Variants in MRE11 observed in about 807,000 individuals in gnomAD.
MRE11 encodes the protein double-strand break repair protein MRE11.
In MRE11, 62 loss-of-function variants were observed where a neutral mutation model predicts 91.7. The ratio of observed to expected loss-of-function variants is 0.68; its 90% CI spans 0.55 to 0.84. The LOEUF is 0.84. Among genes scored for constraint, MRE11 ranks in the 40% least tolerant of loss-of-function variants. MRE11 has a pLI of 0.00. For synonymous variants in MRE11, 273 were observed against 271.4 expected, an observed-to-expected ratio of 1.01 and a Z score of -0.06; for missense variants, 796 against 852.9, an observed-to-expected ratio of 0.93 and a Z score of 0.83.
intron 16 of MRE11, among the ~76,000 whole-genome samples, chr11:94,443,927 T>G (rs1025309258): frequency 1.3e-5 from 2 of 151,002 alleles, no homozygotes; most frequent in African/African-American, 2.4e-5. Context: ...AATTTTTTTT[T>G]TTTTTTTTTT....
chr11:94,469,612 C>A (rs762351742), intron 9 of MRE11, among the ~76,000 whole-genome samples: 3 of 152,100 alleles, frequency 2.0e-5, no homozygotes, highest in Non-Finnish European at 4.4e-5. Context: ...GTTACGTGAG[C>A]TACACACTGC....
chr11:94,439,557 T>G (rs1243493599), intron 16 of MRE11, among the ~76,000 whole-genome samples: 1 of 152,228 alleles, frequency 6.6e-6, no homozygotes, highest in Non-Finnish European at 1.5e-5. Context: ...CTGTAAATAC[T>G]TAAGCTCATT....
chr11:94,429,830 G>C (rs896490351), intron 19 of MRE11, 81 bp downstream of exon 19: 2 of 1,223,610 alleles, frequency 1.6e-6, no homozygotes, highest in Admixed American at 2.2e-5. Flanking sequence ...AGAAAAAAAA[G>C]TTCAGCAACT....
chr11:94,436,069 T>G (rs1042245465), intron 17 of MRE11, among the ~76,000 whole-genome samples, 170 bp from the exon 18 acceptor site: 2 of 152,232 alleles, frequency 1.3e-5, no homozygotes, highest in East Asian at 3.8e-4. Context: ...CTCCCTCCAA[T>G]GTCCCTCTTC....
chr11:94,483,443 GC>G (rs1947060924), intron 4 of MRE11, among the ~76,000 whole-genome samples: 1 of 152,136 alleles, frequency 6.6e-6, no homozygotes, highest in South Asian at 2.1e-4. Context: ...AATCATGGGG[GC>G]AGGCCTTTCC....
At chr11:94,466,950 A>G (rs769774554) in intron 10 of MRE11, among the ~76,000 whole-genome samples, 2 of 152,182 alleles carry the variant, frequency 1.3e-5, no homozygotes, top group Non-Finnish European at 2.9e-5. Flanking sequence ...GTATGCCTAC[A>G]CTGAAAAGAG....
At position 94,456,292 on chromosome 11, in the gene MRE11, T is replaced by A. The variant is rs771215537; in HGVS notation, c.1547A>T (p.Asp516Val). Residue 516 changes from aspartate to valine, a missense_variant, in exon 14 of 20, where the codon GAT (aspartate) becomes GTT (valine). Asp to Val is a radical substitution (Grantham distance 152). Transcript: ENST00000323929. ...ETRQKNTNEE[D>V]DEVREAMTRA... is the part of the protein sequence containing the mutation. The stretch of plus-strand genomic sequence containing the variant: ...AATAATTACCTCACGGACTTCATCA[T>A]CTTCTTCATTAGTATTTTTTTGTCT... The A allele has an allele frequency of 1.2e-6, 2 of 1,613,638 alleles. No homozygotes were observed. The highest frequency in any genetic ancestry group is 3.3e-5 in the Admixed American group (2 of 59,978).
intron 16 of MRE11, among the ~76,000 whole-genome samples, chr11:94,439,649 T>A (rs564325753): frequency 6.6e-6 from 1 of 152,212 alleles, no homozygotes; most frequent in South Asian, 2.1e-4. Context: ...AACACCAGTT[T>A]GCACTTACTG....
At position 94,456,461 on chromosome 11, in the gene MRE11, A is replaced by C. The variant is rs1356766677; in HGVS notation, c.1501-123T>G. 6.8e-6 allele frequency: 5 copies of C among 738,238 alleles called. No individual in the cohort carries two copies. In the African/African-American group the frequency reaches 8.8e-5, roughly 13 times the overall value. 45.7% of individuals were successfully genotyped at this position (738,238 alleles called of 1,614,324 possible). A position where few individuals can be genotyped will look rare whatever the true frequency, so the allele number is the denominator to read the frequency against. On this transcript the variant is annotated intron_variant, in intron 13 of 19. Transcript: ENST00000323929. ...ACTTGCAAATTTAACAATGTCTCAC[A>C]AAAGTAAATCATATTTTTCCAATTA...
intron 18 of MRE11, among the ~76,000 whole-genome samples, chr11:94,434,233 A>C (rs1945538286): frequency 6.6e-6 from 1 of 152,162 alleles, no homozygotes; most frequent in African/African-American, 2.4e-5. Context: ...TGAAGGATCT[A>C]ATAAGTGAAC....
chr11:94,488,193 C>G (rs1266903301), intron 3 of MRE11, among the ~76,000 whole-genome samples: 1 of 152,144 alleles, frequency 6.6e-6, no homozygotes, highest in Admixed American at 6.6e-5. Flanking sequence ...AAAGAAAGAG[C>G]ACATACAGGA....
chr11:94,469,582 G>A (rs561102488), intron 9 of MRE11, among the ~76,000 whole-genome samples: 12 of 152,228 alleles, frequency 7.9e-5, no homozygotes, highest in African/African-American at 2.6e-4. Context: ...CAATCATCTT[G>A]AAACAAGCGT....
chr11:94,481,525 T>C (rs2135101525), intron 4 of MRE11, among the ~76,000 whole-genome samples: 1 of 152,294 alleles, frequency 6.6e-6, no homozygotes, highest in Non-Finnish European at 1.5e-5. Context: ...AGAAATTTAT[T>C]TTTGCAAAGA....
chr11:94,474,080 G>C (rs190218876), intron 7 of MRE11, among the ~76,000 whole-genome samples: 1 of 152,202 alleles, frequency 6.6e-6, no homozygotes, highest in Admixed American at 6.6e-5. Flanking sequence ...TGTTCATTCA[G>C]AGTGCTGAGC....
At chr11:94,512,381 C>A in the MRE11 span, 3 of 737,406 alleles carry the variant, frequency 4.1e-6, no homozygotes, top group Non-Finnish European at 5.6e-6. Flanking sequence ...TTCTTTGGTG[C>A]GCGGAATACC....
chr11:94,484,634 G>T (rs1947092073), intron 4 of MRE11, among the ~76,000 whole-genome samples: 1 of 152,138 alleles, frequency 6.6e-6, no homozygotes, highest in Non-Finnish European at 1.5e-5. Flanking sequence ...AGTGATCAAG[G>T]TTAAAATCAC....
chr11:94,486,112 T>A (rs1591719524), intron 3 of MRE11, 28 bp from the exon 4 acceptor site: 2 of 1,611,948 alleles, frequency 1.2e-6, no homozygotes, highest in African/African-American at 1.3e-5. Flanking sequence ...GTGTTAAAAT[T>A]AGTATGTTTT....
At chr11:94,434,096 A>T (rs1372326454) in intron 18 of MRE11, among the ~76,000 whole-genome samples, 2 of 152,142 alleles carry the variant, frequency 1.3e-5, no homozygotes, top group African/African-American at 4.8e-5. Flanking sequence ...CTTAGGTTTC[A>T]TTACACCTGA....
chr11:94,482,881 T>C (rs1235310461), intron 4 of MRE11, among the ~76,000 whole-genome samples: 4 of 152,078 alleles, frequency 2.6e-5, no homozygotes, highest in African/African-American at 9.7e-5. Context: ...GAGGTTGCAG[T>C]GAGCCAAGAT....
Sources: gnomAD v4.1 joint callset for allele counts (sites outside exome capture counted in the v4.1 genomes callset) on GRCh38, gnomAD v4.1.1 for gene constraint, MANE v1.5 for transcripts, NCBI Gene and HGNC (gene_info 2026-07-23, HGNC 2026-07-21) for gene names.